BDH1: variants seen among roughly 807,000 people sequenced by gnomAD.
BDH1 encodes D-beta-hydroxybutyrate dehydrogenase, mitochondrial.
BDH1 carries 30 observed loss-of-function variants against 33.1 expected under a neutral mutation model. The observed-to-expected ratio is 0.91, with a 90% CI of 0.68 to 1.23. The LOEUF is 1.23. BDH1 is among the 50% of genes most tolerant of loss of function. The probability of loss-of-function intolerance (pLI) is 0.00; values close to 1 mark genes in which losing one functional copy is unlikely to be tolerated. For missense variants in BDH1, 443 were observed against 464.4 expected (o/e 0.95, Z 0.42); for synonymous variants, 190 against 183.6 (o/e 1.03, Z -0.28).
At chr3:197,524,138 C>A (rs1018235880) in intron 5 of BDH1, among the ~76,000 whole-genome samples, 1 of 152,186 alleles carries the variant, frequency 6.6e-6, no homozygotes. Flanking sequence ...GAGCTACACT[C>A]GATGTGAAAA....
At chr3:197,572,715 C>A (rs1717651472) in intron 1 of BDH1, among the ~76,000 whole-genome samples, 1 of 152,138 alleles carries the variant, frequency 6.6e-6, no homozygotes, top group Non-Finnish European at 1.5e-5. Flanking sequence ...CCAGCCCGGA[C>A]AACATAGCAA....
intron 1 of BDH1, among the ~76,000 whole-genome samples, chr3:197,572,516 C>T (rs1207370061): frequency 1.3e-5 from 2 of 152,158 alleles, no homozygotes; most frequent in Non-Finnish European, 2.9e-5. Flanking sequence ...CAATAAACTC[C>T]CTTCTTTCCC....
intron 5 of BDH1, chr3:197,530,064 A>G (rs955695877): frequency 1.3e-5 from 2 of 152,222 alleles, no homozygotes; most frequent in Non-Finnish European, 2.9e-5. Context: ...GAATGAGAGC[A>G]CAGGTGATAT....
chr3:197,543,538 C>T (rs773241840), intron 3 of BDH1, among the ~76,000 whole-genome samples: 3 of 152,194 alleles, frequency 2.0e-5, no homozygotes, highest in African/African-American at 4.8e-5. Flanking sequence ...AATCTGAAAT[C>T]GGAGGGCCAT....
intron 1 of BDH1, among the ~76,000 whole-genome samples, chr3:197,568,056 G>A (rs769261173): frequency 1.4e-4 from 21 of 152,114 alleles, no homozygotes; most frequent in Non-Finnish European, 2.5e-4. Context: ...CCTGCCCGGG[G>A]TCTGAATGCC....
intron 7 of BDH1, among the ~76,000 whole-genome samples, chr3:197,513,723 T>C (rs944750220): frequency 2.0e-5 from 3 of 152,246 alleles, no homozygotes; most frequent in African/African-American, 7.2e-5. Flanking sequence ...TTGCCACAAT[T>C]GTTTGCTATG....
intron 1 of BDH1, among the ~76,000 whole-genome samples, chr3:197,568,387 C>T (rs1432695092): frequency 6.6e-6 from 1 of 151,682 alleles, no homozygotes; most frequent in Non-Finnish European, 1.5e-5. Flanking sequence ...GAAAGAAGCC[C>T]AGTATATTAT....
At chr3:197,524,997 G>A (rs1002148769) in intron 5 of BDH1, among the ~76,000 whole-genome samples, 29 of 152,280 alleles carry the variant, frequency 1.9e-4, no homozygotes, top group African/African-American at 5.8e-4. Flanking sequence ...CCGGAGGCTC[G>A]ATGGTCTAAA....
At chr3:197,529,718 T>A (rs142756805) in intron 5 of BDH1, 1 of 152,206 alleles carries the variant, frequency 6.6e-6, no homozygotes, top group Non-Finnish European at 1.5e-5. Context: ...CTGATCCAGA[T>A]GGAATGATGT....
At chr3:197,518,858 T>G in intron 6 of BDH1, among the ~76,000 whole-genome samples, 1 of 11,162 alleles carries the variant, frequency 9.0e-5, no homozygotes, top group Non-Finnish European at 1.5e-4. Flanking sequence ...CCGACCCCCC[T>G]CATCAGTCAC....
At chr3:197,532,765 A>G (rs970683936) in intron 4 of BDH1, among the ~76,000 whole-genome samples, 1 of 152,226 alleles carries the variant, frequency 6.6e-6, no homozygotes, top group Non-Finnish European at 1.5e-5. Context: ...TCAGGATCTC[A>G]TCTACAATCC....
chr3:197,571,292 T>C (rs1328323883), intron 1 of BDH1, among the ~76,000 whole-genome samples: 1 of 152,180 alleles, frequency 6.6e-6, no homozygotes, highest in African/African-American at 2.4e-5. Context: ...GACTGTGGAC[T>C]TTTGAGTTAA....
At chr3:197,539,629 C>A (rs1018413824) in intron 3 of BDH1, among the ~76,000 whole-genome samples, 22 of 152,370 alleles carry the variant, frequency 1.4e-4, no homozygotes, top group African/African-American at 4.1e-4. Flanking sequence ...CTAAGATCAG[C>A]GCTTGGGATA....
chr3:197,555,843 G>C lies in BDH1; in HGVS notation c.-258C>G, dbSNP rs1050756569. 1 of 152,304 alleles carries C rather than the reference G, an allele frequency of 6.6e-6. No individual in the cohort carries two copies. The highest frequency in any genetic ancestry group is 1.5e-5 in the Non-Finnish European group (1 of 68,090). 9.4% of individuals were successfully genotyped at this position (152,304 alleles called of 1,614,324 possible). A position where few individuals can be genotyped will look rare whatever the true frequency, so the allele number is the denominator to read the frequency against. On this transcript the variant is annotated 5_prime_UTR_variant, in exon 1 of 8. Coordinates refer to ENST00000392379, the MANE Select transcript of BDH1 (RefSeq NM_203314.3). ...CTCGCCGAGGCTCTCGCCTTCACCC[G>C]GCGCCGCGCAGGTGCCCGCTCTCCT...
chr3:197,533,634 C>G (rs746574800), intron 3 of BDH1, 73 bp from the exon 4 acceptor site: 442 of 1,448,034 alleles, frequency 3.1e-4, no homozygotes, highest in Non-Finnish European at 4.0e-4. Context: ...CCTAGAGCAG[C>G]ACTGGGTGTC....
chr3:197,529,497 C>T (rs993605515), intron 5 of BDH1: 4 of 152,292 alleles, frequency 2.6e-5, no homozygotes, highest in Non-Finnish European at 5.9e-5. Context: ...CATCTGGTCC[C>T]AAGCATTTCA....
chr3:197,512,386 C>A lies in BDH1; in HGVS notation c.563-22G>T, dbSNP rs150101930. 3.0e-4 allele frequency: 478 copies of A among 1,584,608 alleles called. 1 individual carries two copies. The East Asian group carries it at 3.7e-3, about 12-fold the overall frequency. ...CGGCCTACAGAGGGAGACAGAGGTA[C>A]CTGCTAAGCCGTTACTGCCCTATGA... On this transcript the variant is annotated intron_variant, in intron 7 of 7. Coordinates refer to ENST00000392379, the MANE Select transcript of BDH1 (RefSeq NM_203314.3).
chr3:197,530,858 C>T (rs1714577355), intron 5 of BDH1: 1 of 152,484 alleles, frequency 6.6e-6, no homozygotes, highest in Admixed American at 6.5e-5. Flanking sequence ...ACTTGTGTAA[C>T]ATGGGGAAAA....
intron 5 of BDH1, chr3:197,529,884 G>A (rs573327282): frequency 2.6e-5 from 4 of 152,220 alleles, no homozygotes; most frequent in South Asian, 2.1e-4. Context: ...CTCACCCACC[G>A]AGCAGAGAAA....
Sources: gnomAD v4.1 joint callset for allele counts (sites outside exome capture counted in the v4.1 genomes callset) on GRCh38, gnomAD v4.1.1 for gene constraint, MANE v1.5 for transcripts, NCBI Gene and HGNC (gene_info 2026-07-23, HGNC 2026-07-21) for gene names.